The following PLCG2 variants were observed in gnomAD, a reference collection of about 807,000 sequenced individuals.
PLCG2 encodes 1-phosphatidylinositol 4,5-bisphosphate phosphodiesterase gamma-2.
A neutral mutation model predicts 175.6 loss-of-function variants in PLCG2; 69 were observed. The observed-to-expected ratio is 0.39, with a 90% CI of 0.32 to 0.48. The LOEUF is 0.48. PLCG2 is among the 20% of genes least tolerant of loss of function. The probability of loss-of-function intolerance (pLI) is 0.91; values close to 1 mark genes in which losing one functional copy is unlikely to be tolerated. For missense variants in PLCG2, 1,798 were observed against 1,650.9 expected, an observed-to-expected ratio of 1.09 and a Z score of -1.54; for synonymous variants, 827 against 624.0, an observed-to-expected ratio of 1.33 and a Z score of -4.85.
At chr16:81,745,214 G>A (rs1909680337) in intron 1 of PLCG2, among the ~76,000 whole-genome samples, 1 of 152,180 alleles carries the variant, frequency 6.6e-6, no homozygotes, top group African/African-American at 2.4e-5. Flanking sequence ...GCCAGTGGTG[G>A]CATTCCTAGC....
At chr16:81,894,246 T>C (rs922614254) in intron 12 of PLCG2, among the ~76,000 whole-genome samples, 2 of 151,578 alleles carry the variant, frequency 1.3e-5, no homozygotes, top group Admixed American at 6.6e-5. Context: ...CTGGGCGACA[T>C]GGTGAGATCG....
chr16:81,764,061 G>C (rs1436825269), intron 2 of PLCG2, among the ~76,000 whole-genome samples: 1 of 152,078 alleles, frequency 6.6e-6, no homozygotes, highest in African/African-American at 2.4e-5. Flanking sequence ...GGGAGGCTGA[G>C]GCAGGAGGAT....
intron 16 of PLCG2, 137 bp downstream of exon 16, chr16:81,907,911 T>C: frequency 1.6e-6 from 1 of 623,300 alleles, no homozygotes. Flanking sequence ...CTGTTGATAC[T>C]CTGGGTACCA....
chr16:81,885,655 C>A (rs1238670034), intron 9 of PLCG2, among the ~76,000 whole-genome samples: 1 of 152,070 alleles, frequency 6.6e-6, no homozygotes, highest in Non-Finnish European at 1.5e-5. Flanking sequence ...CATAACACTC[C>A]TCTTACAGCT....
At chr16:81,860,262 G>A (rs1419562792) in intron 5 of PLCG2, among the ~76,000 whole-genome samples, 1 of 140,958 alleles carries the variant, frequency 7.1e-6, no homozygotes, top group East Asian at 2.1e-4. Context: ...TTAGATTAAT[G>A]CATTGTCATT....
intron 9 of PLCG2, among the ~76,000 whole-genome samples, chr16:81,886,053 T>A (rs1908346086): frequency 6.6e-6 from 1 of 152,212 alleles, no homozygotes; most frequent in South Asian, 2.1e-4. Context: ...CCCTTCATTA[T>A]TTTCCTTCCA....
intron 2 of PLCG2, among the ~76,000 whole-genome samples, chr16:81,853,085 C>G (rs1178253103): frequency 6.6e-6 from 1 of 152,212 alleles, no homozygotes; most frequent in Non-Finnish European, 1.5e-5. Context: ...AATCCTAGCA[C>G]TTTGGGAGGC....
intron 1 of PLCG2, among the ~76,000 whole-genome samples, chr16:81,742,620 G>C (rs1443570594): frequency 2.0e-5 from 3 of 152,228 alleles, no homozygotes; most frequent in Non-Finnish European, 4.4e-5. Flanking sequence ...AACTGGGGTG[G>C]ACAGGAGTGA....
At chr16:81,796,258 A>C (rs1911464997) in intron 2 of PLCG2, among the ~76,000 whole-genome samples, 1 of 152,252 alleles carries the variant, frequency 6.6e-6, no homozygotes, top group South Asian at 2.1e-4. Context: ...CCTCCCCAGC[A>C]CAGACTGTCT....
chr16:81,860,172 ATTTTTTTTT>A (rs1555513300), intron 5 of PLCG2, among the ~76,000 whole-genome samples: 1 of 120,614 alleles, frequency 8.3e-6, no homozygotes, highest in African/African-American at 3.1e-5. Flanking sequence ...TATTATTATT[ATTTTTTTTT>A]TTTTTTGTAA....
At chr16:81,945,662 A>G (rs1307348108) in intron 30 of PLCG2, among the ~76,000 whole-genome samples, 2 of 152,206 alleles carry the variant, frequency 1.3e-5, no homozygotes, top group East Asian at 1.9e-4. Context: ...ACAGGTCCTA[A>G]TTGTAAAGAG....
chr16:81,897,548 C>CTTTT (rs10710027), intron 13 of PLCG2, among the ~76,000 whole-genome samples: 12 of 128,670 alleles, frequency 9.3e-5, no homozygotes, highest in Admixed American at 2.5e-4. Context: ...CTTTTCTTTT[C>CTTTT]TTTTTTTTTT....
intron 2 of PLCG2, among the ~76,000 whole-genome samples, chr16:81,844,237 C>A (rs1905992785): frequency 6.6e-6 from 1 of 151,386 alleles, no homozygotes; most frequent in African/African-American, 2.4e-5. Flanking sequence ...TCGTGATCCA[C>A]CCGCCTCGGC....
intron 2 of PLCG2, among the ~76,000 whole-genome samples, chr16:81,804,443 A>C (rs1475692654): frequency 6.6e-6 from 1 of 152,202 alleles, no homozygotes; most frequent in Non-Finnish European, 1.5e-5. Flanking sequence ...TAAATGAATG[A>C]GGCAACTCTG....
intron 4 of PLCG2, 67 bp from the exon 5 acceptor site, chr16:81,859,041 GTAGGACTC>G (rs1211169230): frequency 3.4e-6 from 3 of 890,614 alleles, no homozygotes; most frequent in Non-Finnish European, 5.6e-6. Flanking sequence ...TGCACATTCC[GTAGGACTC>G]ACTTAGACTT....
chr16:81,789,523 A>G (rs1207969449), intron 2 of PLCG2, among the ~76,000 whole-genome samples: 1 of 152,138 alleles, frequency 6.6e-6, no homozygotes, highest in Non-Finnish European at 1.5e-5. Flanking sequence ...TCCTGGCCTC[A>G]AGTGATCCTC....
chr16:81,932,116 T>A (rs1910527706), intron 25 of PLCG2, among the ~76,000 whole-genome samples: 1 of 152,170 alleles, frequency 6.6e-6, no homozygotes, highest in Admixed American at 6.5e-5. Context: ...GTGGAGGAAC[T>A]TCCCCTCTAG....
In PLCG2 at chr16:81,869,310, GGCTCA is replaced by G. The variant is rs1907398671; in HGVS notation, c.564+15_564+19del. 6.3e-7 allele frequency: 1 copy of G among 1,588,870 alleles called. No homozygotes were observed. The highest frequency in any genetic ancestry group is 8.6e-7 in the Non-Finnish European group (1 of 1,156,996). ...AAGATAAGTTTGTGGTAAGTTTCAT[GGCTCA>G]GCCTGGGAATTTTATGAATGCGGAG... On this transcript the variant is annotated intron_variant, in intron 6 of 32. Transcript: ENST00000564138.
At position 81,747,962 on chromosome 16, in the gene PLCG2, C is replaced by T. The variant is rs1462365878; in HGVS notation, c.-144-7908C>T. Among the ~76,000 whole-genome samples the T allele has an allele frequency of 5.3e-5, 8 of 152,056 alleles. No individual in the cohort carries two copies. The East Asian group carries it at 7.7e-4, about 15-fold the overall frequency. The stretch of plus-strand genomic sequence containing the variant: ...TGATCTTGGGTCACTGCAACCTCTG[C>T]GTCCCAGGTTCAAGTGATTCTCCTG... On this transcript the variant is annotated intron_variant, in intron 1 of 5. Transcript: ENST00000565054.
Sources: gnomAD v4.1 joint callset for allele counts (sites outside exome capture counted in the v4.1 genomes callset) on GRCh38, gnomAD v4.1.1 for gene constraint, MANE v1.5 for transcripts, NCBI Gene and HGNC (gene_info 2026-07-23, HGNC 2026-07-21) for gene names.